The following TRAPPC12 variants were observed in gnomAD, a reference collection of about 807,000 sequenced individuals.
The protein encoded by TRAPPC12 is trafficking protein particle complex subunit 12.
TRAPPC12 carries 61 observed loss-of-function variants against 69.2 expected under a neutral mutation model. The observed-to-expected ratio is 0.88, with a 90% CI of 0.72 to 1.09. TRAPPC12 has a LOEUF of 1.09. TRAPPC12 is among the 50% of genes least tolerant of loss of function. TRAPPC12 has a pLI of 0.00. For missense variants in TRAPPC12, 1,101 were observed against 1,016.4 expected, an observed-to-expected ratio of 1.08 and a Z score of -1.13; for synonymous variants, 469 against 438.9, an observed-to-expected ratio of 1.07 and a Z score of -0.86.
At chr2:3,432,546 A>G (rs763172486) in intron 5 of TRAPPC12, among the ~76,000 whole-genome samples, 16 of 152,326 alleles carry the variant, frequency 1.1e-4, no homozygotes, top group South Asian at 4.1e-4. Flanking sequence ...TTTCATGACA[A>G]AATTACCTCA....
At chr2:3,474,618 G>A (rs530839623) in intron 9 of TRAPPC12, among the ~76,000 whole-genome samples, 16 of 152,320 alleles carry the variant, frequency 1.1e-4, no homozygotes, top group African/African-American at 1.9e-4. Flanking sequence ...CCAGGGCGGC[G>A]TTTCCCCGGG....
chr2:3,386,774 G>A (rs907188823), intron 1 of TRAPPC12, among the ~76,000 whole-genome samples: 1 of 152,036 alleles, frequency 6.6e-6, no homozygotes, highest in Non-Finnish European at 1.5e-5. Flanking sequence ...GTCTTGGGAG[G>A]GCTTCATGGA....
chr2:3,455,062 C>G (rs773251056), intron 6 of TRAPPC12: 4 of 152,244 alleles, frequency 2.6e-5, no homozygotes, highest in Admixed American at 2.0e-4. Context: ...TGACCTGGTG[C>G]GCCACACCCC....
intron 2 of TRAPPC12, 72 bp downstream of exon 2, chr2:3,388,742 T>G: frequency 7.3e-7 from 1 of 1,378,326 alleles, no homozygotes; most frequent in Non-Finnish European, 9.6e-7. Context: ...CAGTGCCCCT[T>G]TAGGGATGGA....
In TRAPPC12 at chr2:3,449,040, T is replaced by C. The variant is rs539285807; in HGVS notation, c.1530+5149T>C. ...GGTACTTCGTTTTATCTGTTGTCTT[T>C]GAGCCACTGAGTGAATTAGTAAATG... On this transcript the variant is annotated intron_variant, in intron 6 of 11. Transcript: ENST00000324266. Among the ~76,000 whole-genome samples the C allele has an allele frequency of 9.2e-5, 14 of 152,346 alleles. No individual in the cohort carries two copies. The South Asian group carries it at 2.7e-3, about 29-fold the overall frequency.
chr2:3,386,828 A>G (rs183701647), intron 1 of TRAPPC12, among the ~76,000 whole-genome samples: 13 of 152,282 alleles, frequency 8.5e-5, no homozygotes, highest in African/African-American at 2.4e-4. Flanking sequence ...TAGTGTTTAT[A>G]TGGCTGGAAC....
chr2:3,477,712 A>G lies in TRAPPC12; in HGVS notation c.1794A>G (p.Thr598=), dbSNP rs1490665413. The G allele has an allele frequency of 4.4e-6, 7 of 1,606,880 alleles. No homozygotes were observed. The highest frequency in any genetic ancestry group is 5.9e-6 in the Non-Finnish European group (7 of 1,177,464). The part of the protein sequence containing the change: ...RISLQIGDIK[T]AEKYFQDVEK... ...CAAAGCAGATTGGAGACATAAAAAC[A>G]GCTGAAAAGTATTTTCAAGACGTTG... The change falls in exon 10 of 12, where the codon ACA becomes ACG. Residue 598 remains threonine, a synonymous_variant. Coordinates refer to ENST00000324266, the MANE Select transcript of TRAPPC12 (RefSeq NM_016030.6).
At chr2:3,451,186 T>C (rs1009253535) in intron 6 of TRAPPC12, among the ~76,000 whole-genome samples, 5 of 152,244 alleles carry the variant, frequency 3.3e-5, no homozygotes, top group African/African-American at 9.6e-5. Flanking sequence ...CAAGCAGGTT[T>C]TTAATTTTGA....
chr2:3,451,589 A>C (rs1664852882), intron 6 of TRAPPC12, among the ~76,000 whole-genome samples: 2 of 152,010 alleles, frequency 1.3e-5, no homozygotes, highest in Non-Finnish European at 2.9e-5. Context: ...AGTGGCATGA[A>C]CGTGGCTCAC....
rs542977937 is a variant in TRAPPC12 at position 3,454,456 on chromosome 2, C to T, written c.1531-3165C>T. ...CTGGTGTCTCCGTCTCCTACCCCTG[C>T]ACCTTCCCAGCTGGGTAGATGGGTC... is the stretch of plus-strand genomic sequence containing the variant. On this transcript the variant is annotated intron_variant, in intron 6 of 11. Coordinates refer to ENST00000324266, the MANE Select transcript of TRAPPC12 (RefSeq NM_016030.6). 5.4e-5 allele frequency among the ~76,000 whole-genome samples: 8 copies of T among 148,446 alleles called. 1 individual carries two copies. Among genetic ancestry groups the T allele is most frequent in the Non-Finnish European group, 1.0e-4 (7 of 67,124 alleles).
At chr2:3,440,809 C>A (rs967693981) in intron 5 of TRAPPC12, among the ~76,000 whole-genome samples, 10 of 152,074 alleles carry the variant, frequency 6.6e-5, no homozygotes, top group African/African-American at 2.4e-4. Flanking sequence ...TTGTAGATGT[C>A]CTTTATTAAG....
chr2:3,445,122 G>A (rs1664439443), intron 6 of TRAPPC12, among the ~76,000 whole-genome samples: 1 of 152,224 alleles, frequency 6.6e-6, no homozygotes, highest in Admixed American at 6.5e-5. Flanking sequence ...AAAATTCTGG[G>A]CCATAGGGTG....
chr2:3,419,210 A>G (rs1199661727), intron 3 of TRAPPC12, among the ~76,000 whole-genome samples: 1 of 152,230 alleles, frequency 6.6e-6, no homozygotes, highest in South Asian at 2.1e-4. Context: ...CCTTAGGCCT[A>G]GGGAACCAGG....
At chr2:3,429,840 G>A (rs1012571376) in intron 5 of TRAPPC12, among the ~76,000 whole-genome samples, 6 of 151,976 alleles carry the variant, frequency 3.9e-5, no homozygotes, top group African/African-American at 1.2e-4. Context: ...TTAAATACTC[G>A]GACCATTAAC....
chr2:3,386,637 T>G (rs992587638), intron 1 of TRAPPC12, among the ~76,000 whole-genome samples: 13 of 152,200 alleles, frequency 8.5e-5, no homozygotes. Context: ...TTCTTACTGT[T>G]TAAATTTTTC....
intron 2 of TRAPPC12, among the ~76,000 whole-genome samples, chr2:3,398,186 T>C (rs1363936494): frequency 6.6e-6 from 1 of 152,208 alleles, no homozygotes; most frequent in African/African-American, 2.4e-5. Context: ...ACACAGGCGT[T>C]TGTGTCTATG....
At position 3,448,092 on chromosome 2, in the gene TRAPPC12, C is replaced by T. The variant is rs146770085; in HGVS notation, c.1530+4201C>T. Among the ~76,000 whole-genome samples the T allele has an allele frequency of 1.6e-3, 246 of 152,324 alleles. 1 individual carries two copies. Among genetic ancestry groups the T allele is most frequent in the African/African-American group, 5.5e-3 (228 of 41,558 alleles). ...GCATGGATGTGTGAGGTGCTGAATGCATTATGTTGATTACCCCCTACTAAT... is the reference window on the plus strand; with the variant it reads ...GCATGGATGTGTGAGGTGCTGAATGTATTATGTTGATTACCCCCTACTAAT... On this transcript the variant is annotated intron_variant, in intron 6 of 11. Coordinates refer to ENST00000324266, the MANE Select transcript of TRAPPC12 (RefSeq NM_016030.6).
rs142506370 is a variant in TRAPPC12 at position 3,413,499 on chromosome 2, C to T, written c.1165-8382C>T. Among the ~76,000 whole-genome samples the T allele has an allele frequency of 1.5e-4, 23 of 152,246 alleles. No homozygotes were observed. The East Asian group carries it at 2.9e-3, about 19-fold the overall frequency. ...TTATAGTTTCTGAAAAGGTGACACA[C>T]GTTCAATATCAAATTAACAAATAAT... On this transcript the variant is annotated intron_variant, in intron 3 of 11. Transcript: ENST00000324266.
chr2:3,413,078 C>T (rs866814773), intron 3 of TRAPPC12, among the ~76,000 whole-genome samples: 3 of 152,196 alleles, frequency 2.0e-5, no homozygotes, highest in Non-Finnish European at 2.9e-5. Flanking sequence ...AGGACAACTC[C>T]GGGTTACTGG....
Sources: allele counts gnomAD v4.1 joint callset (sites outside exome capture counted in the v4.1 genomes callset), GRCh38; gene constraint gnomAD v4.1.1; transcripts MANE v1.5; gene names NCBI Gene and HGNC (gene_info 2026-07-23, HGNC 2026-07-21).